Variants in EPHA6 observed in about 807,000 individuals in gnomAD.
EPHA6 encodes the protein EPH receptor A6, also known as ephrin type-A receptor 6.
Under a neutral mutation model 112.0 loss-of-function variants are expected in EPHA6, and 50 were observed. The ratio of observed to expected loss-of-function variants is 0.45; its 90% CI spans 0.36 to 0.56. EPHA6 has a LOEUF of 0.56. EPHA6 is among the 20% of genes least tolerant of loss of function. EPHA6 has a pLI of 0.00. For synonymous variants in EPHA6, 529 were observed against 490.7 expected, an observed-to-expected ratio of 1.08 and a Z score of -1.03; for missense variants, 1,280 against 1,417.4, an observed-to-expected ratio of 0.90 and a Z score of 1.56.
At chr3:96,933,658 A>G (rs1039778662) in intron 2 of EPHA6, among the ~76,000 whole-genome samples, 2 of 152,176 alleles carry the variant, frequency 1.3e-5, no homozygotes, top group South Asian at 4.1e-4. Flanking sequence ...AATCGCTATG[A>G]AAGTACAAAA....
intron 11 of EPHA6, among the ~76,000 whole-genome samples, chr3:97,553,630 C>T (rs1577752538): frequency 2.6e-5 from 4 of 152,114 alleles, no homozygotes; most frequent in South Asian, 4.1e-4. Flanking sequence ...TGGGGGAAAC[C>T]GCCCCCGTGA....
intron 14 of EPHA6, among the ~76,000 whole-genome samples, chr3:97,709,901 T>C (rs2033878104): frequency 6.6e-6 from 1 of 152,170 alleles, no homozygotes; most frequent in African/African-American, 2.4e-5. Context: ...ATTGTTAAGT[T>C]TCCTGAGGCC....
At chr3:97,621,501 A>C (rs1434346973) in intron 13 of EPHA6, among the ~76,000 whole-genome samples, 1 of 151,880 alleles carries the variant, frequency 6.6e-6, no homozygotes, top group Non-Finnish European at 1.5e-5. Flanking sequence ...CAGTGGAAAA[A>C]TCTTGGCTAA....
At chr3:97,550,876 G>T (rs1263768534) in intron 11 of EPHA6, among the ~76,000 whole-genome samples, 1 of 152,068 alleles carries the variant, frequency 6.6e-6, no homozygotes, top group African/African-American at 2.4e-5. Context: ...AGACAAAAAG[G>T]AAGGAAAGGA....
chr3:97,556,079 C>T (rs542211825), intron 11 of EPHA6, among the ~76,000 whole-genome samples: 1 of 152,102 alleles, frequency 6.6e-6, no homozygotes, highest in South Asian at 2.1e-4. Context: ...CCAGCCCCTA[C>T]ATTCTGAAGC....
intron 14 of EPHA6, among the ~76,000 whole-genome samples, chr3:97,642,229 A>C (rs301941): frequency 0.21 from 11,556 of 56,308 alleles, 2,226 homozygotes; most frequent in African/African-American, 0.34. Context: ...AGCTGAGGGT[A>C]CTGTCTGTTA....
intron 13 of EPHA6, among the ~76,000 whole-genome samples, chr3:97,626,186 T>C (rs1206126514): frequency 6.6e-6 from 1 of 151,796 alleles, no homozygotes. Flanking sequence ...AGTTATTAAT[T>C]GTATGCAATG....
At chr3:96,859,594 G>A (rs1288462597) in intron 1 of EPHA6, among the ~76,000 whole-genome samples, 1 of 151,918 alleles carries the variant, frequency 6.6e-6, no homozygotes, top group African/African-American at 2.4e-5. Context: ...GTCTTGGTAT[G>A]TTGCTTAGGC....
At chr3:97,214,038 T>TGTGTGTGTGTGTGA (rs1491420279) in intron 3 of EPHA6, among the ~76,000 whole-genome samples, 44 of 77,832 alleles carry the variant, frequency 5.7e-4, no homozygotes, top group African/African-American at 1.4e-3. Flanking sequence ...TGTGTGTGTG[T>TGTGTGTGTGTGTGA]GAGAGAGAGA....
chr3:97,015,185 T>C (rs1336630012), intron 3 of EPHA6, among the ~76,000 whole-genome samples: 2 of 152,154 alleles, frequency 1.3e-5, no homozygotes, highest in Non-Finnish European at 2.9e-5. Context: ...AGAAGTAACA[T>C]TATACAATAA....
chr3:96,988,356 T>C (rs1269350119), intron 3 of EPHA6, among the ~76,000 whole-genome samples: 1 of 152,128 alleles, frequency 6.6e-6, no homozygotes, highest in Non-Finnish European at 1.5e-5. Context: ...TTCAGTAAAG[T>C]CGTTAAACAA....
chr3:97,612,322 G>T, intron 13 of EPHA6: 1 of 366,576 alleles, frequency 2.7e-6, no homozygotes, highest in Non-Finnish European at 5.3e-6. Context: ...ATCATCTAAT[G>T]ATGCTTGGGT....
chr3:96,929,665 T>G (rs1365218336), intron 2 of EPHA6, among the ~76,000 whole-genome samples: 2 of 152,194 alleles, frequency 1.3e-5, no homozygotes, highest in African/African-American at 4.8e-5. Flanking sequence ...CATTTTTTCT[T>G]TCATTTCAAC....
At chr3:97,395,244 C>A (rs559260945) in intron 5 of EPHA6, among the ~76,000 whole-genome samples, 2 of 151,374 alleles carry the variant, frequency 1.3e-5, no homozygotes, top group African/African-American at 4.8e-5. Flanking sequence ...AAATAGATAA[C>A]AATATATATT....
intron 2 of EPHA6, among the ~76,000 whole-genome samples, chr3:96,986,466 C>T (rs970277573): frequency 6.6e-6 from 1 of 152,094 alleles, no homozygotes; most frequent in Admixed American, 6.6e-5. Flanking sequence ...ACAGTCTTGC[C>T]TCAGGTTATT....
At chr3:97,665,739 C>T (rs1460150553) in intron 14 of EPHA6, among the ~76,000 whole-genome samples, 1 of 152,210 alleles carries the variant, frequency 6.6e-6, no homozygotes, top group Non-Finnish European at 1.5e-5. Context: ...TCTTCCCAGC[C>T]TGGGTCACAT....
rs1311918019 is a variant in EPHA6, at chr3:97,720,265, GA to G, written c.2794del (p.Ile932SerfsTer3). On this transcript the variant is annotated frameshift_variant, in exon 15 of 18. Transcript: ENST00000389672. LOFTEE classifies it high-confidence loss of function. ...DPEAAYTTTG[G>X]KIPIRWTAPE... The stretch of plus-strand genomic sequence containing the variant: ...AATCTCCAATTTGTTTTCCAGGGTG[GA>G]AAAATCCCCATAAGGTGGACAGCCC... 1 of 1,576,900 alleles carries G rather than the reference GA, an allele frequency of 6.3e-7. No individual in the cohort carries two copies. Among genetic ancestry groups the G allele is most frequent in the African/African-American group, 1.4e-5 (1 of 73,122 alleles).
chr3:96,844,560 A>G (rs748914195), intron 1 of EPHA6, among the ~76,000 whole-genome samples: 1 of 152,020 alleles, frequency 6.6e-6, no homozygotes, highest in Non-Finnish European at 1.5e-5. Context: ...GAGGGTTAAT[A>G]TGGAATATCT....
chr3:97,252,959 A>G (rs16838485), intron 5 of EPHA6, among the ~76,000 whole-genome samples: 5,444 of 152,210 alleles, frequency 0.036, 310 homozygotes, highest in African/African-American at 0.12. Context: ...AATATAATCA[A>G]TGATTCTGAC....
Sources: allele counts gnomAD v4.1 joint callset (sites outside exome capture counted in the v4.1 genomes callset), GRCh38; gene constraint gnomAD v4.1.1; transcripts MANE v1.5; gene names NCBI Gene and HGNC (gene_info 2026-07-23, HGNC 2026-07-21).